The following PLCXD3 variants were observed in gnomAD, a reference collection of about 807,000 sequenced individuals.
The protein encoded by PLCXD3 is phosphatidylinositol specific phospholipase C X domain containing 3, also known as PI-PLC X domain-containing protein 3.
PLCXD3 carries 19 observed loss-of-function variants against 25.5 expected under a neutral mutation model. The ratio of observed to expected loss-of-function variants is 0.75; its 90% CI spans 0.52 to 1.09. PLCXD3 has a LOEUF of 1.09. Among genes scored for constraint, PLCXD3 ranks in the 50% least tolerant of loss-of-function variants. The probability of loss-of-function intolerance (pLI) is 0.00; values close to 1 mark genes in which losing one functional copy is unlikely to be tolerated. For synonymous variants in PLCXD3, 174 were observed against 137.6 expected (o/e 1.26, Z -1.85); for missense variants, 411 against 388.1 (o/e 1.06, Z -0.50).
At chr5:41,459,156 C>G (rs1394061787) in intron 1 of PLCXD3, among the ~76,000 whole-genome samples, 2 of 151,836 alleles carry the variant, frequency 1.3e-5, no homozygotes, top group African/African-American at 4.8e-5. Context: ...TTCTGAGTGT[C>G]TTCATCTACA....
chr5:41,491,878 C>A (rs1040382537), intron 1 of PLCXD3, among the ~76,000 whole-genome samples: 1 of 152,104 alleles, frequency 6.6e-6, no homozygotes, highest in African/African-American at 2.4e-5. Context: ...TGGGTCTTGA[C>A]TCTTTATCGC....
chr5:41,325,588 G>T (rs1003432089), intron 2 of PLCXD3, among the ~76,000 whole-genome samples: 1 of 152,078 alleles, frequency 6.6e-6, no homozygotes, highest in Non-Finnish European at 1.5e-5. Context: ...TTTTTGTTTG[G>T]TGTCTGAAGA....
chr5:41,461,287 A>G (rs889158067), intron 1 of PLCXD3, among the ~76,000 whole-genome samples: 2 of 152,026 alleles, frequency 1.3e-5, no homozygotes, highest in Non-Finnish European at 2.9e-5. Context: ...TACAGGAACA[A>G]TGTAAAGCAT....
intron 1 of PLCXD3, among the ~76,000 whole-genome samples, chr5:41,506,481 A>C (rs1421402602): frequency 2.0e-5 from 3 of 152,162 alleles, no homozygotes; most frequent in Non-Finnish European, 4.4e-5. Context: ...TCCACTAATA[A>C]ATGGGGTAGG....
intron 1 of PLCXD3, among the ~76,000 whole-genome samples, chr5:41,492,713 T>C (rs1748732507): frequency 6.6e-6 from 1 of 152,286 alleles, no homozygotes; most frequent in Admixed American, 6.5e-5. Context: ...TTTCTTCCAG[T>C]TGACCGCATC....
At chr5:41,438,284 G>C (rs753818309) in intron 1 of PLCXD3, among the ~76,000 whole-genome samples, 3 of 152,176 alleles carry the variant, frequency 2.0e-5, no homozygotes, top group Non-Finnish European at 4.4e-5. Flanking sequence ...ATGATGAAAA[G>C]GCAATAAGAA....
At chr5:41,502,224 A>G (rs1253646145) in intron 1 of PLCXD3, among the ~76,000 whole-genome samples, 3 of 152,170 alleles carry the variant, frequency 2.0e-5, no homozygotes, top group South Asian at 2.1e-4. Context: ...AAGGAAATCC[A>G]AAGTATAAGA....
At chr5:41,458,807 C>T (rs1344678811) in intron 1 of PLCXD3, among the ~76,000 whole-genome samples, 1 of 151,942 alleles carries the variant, frequency 6.6e-6, no homozygotes, top group African/African-American at 2.4e-5. Context: ...TCAGGTGCTA[C>T]ATACACATTT....
At chr5:41,408,906 A>G (rs1746434443) in intron 1 of PLCXD3, among the ~76,000 whole-genome samples, 1 of 152,348 alleles carries the variant, frequency 6.6e-6, no homozygotes, top group Middle Eastern at 3.4e-3. Context: ...GAAAGTGTCC[A>G]TAACAGAGAT....
intron 1 of PLCXD3, among the ~76,000 whole-genome samples, chr5:41,494,826 G>T (rs191614105): frequency 3.0e-3 from 454 of 152,256 alleles, no homozygotes; most frequent in Non-Finnish European, 3.9e-3. Flanking sequence ...AGGAGTCAAG[G>T]TCTGAGCCCA....
At chr5:41,502,857 A>G (rs1429976458) in intron 1 of PLCXD3, among the ~76,000 whole-genome samples, 1 of 152,182 alleles carries the variant, frequency 6.6e-6, no homozygotes, top group Non-Finnish European at 1.5e-5. Context: ...GGACCAAGAA[A>G]TTTGGCTTTA....
At chr5:41,428,289 T>C (rs965704134) in intron 1 of PLCXD3, among the ~76,000 whole-genome samples, 2 of 152,068 alleles carry the variant, frequency 1.3e-5, no homozygotes, top group African/African-American at 2.4e-5. Flanking sequence ...TACTGAATTG[T>C]ATTCCCCCTC....
At chr5:41,394,039 A>G in intron 1 of PLCXD3, among the ~76,000 whole-genome samples, 1 of 152,334 alleles carries the variant, frequency 6.6e-6, no homozygotes, top group East Asian at 1.9e-4. Context: ...ATCCTAAGTA[A>G]AAAAACTAAA....
intron 1 of PLCXD3, among the ~76,000 whole-genome samples, chr5:41,506,010 T>C (rs2111595396): frequency 6.6e-6 from 1 of 152,376 alleles, no homozygotes; most frequent in South Asian, 2.1e-4. Flanking sequence ...AAAGCAGTTT[T>C]CTCAAACTTT....
chr5:41,386,607 T>A (rs1561254952), intron 1 of PLCXD3, among the ~76,000 whole-genome samples: 2 of 152,076 alleles, frequency 1.3e-5, no homozygotes, highest in Non-Finnish European at 2.9e-5. Flanking sequence ...GGCTCTTAGT[T>A]AATTAAAGAG....
intron 2 of PLCXD3, among the ~76,000 whole-genome samples, chr5:41,359,247 G>A (rs1441420199): frequency 6.6e-6 from 1 of 152,156 alleles, no homozygotes; most frequent in African/African-American, 2.4e-5. Flanking sequence ...ATTTAGGGAG[G>A]ATTCCCTCTT....
At chr5:41,421,177 C>A (rs1362708520) in intron 1 of PLCXD3, among the ~76,000 whole-genome samples, 1 of 152,112 alleles carries the variant, frequency 6.6e-6, no homozygotes, top group Non-Finnish European at 1.5e-5. Context: ...ATCCAAACAT[C>A]AAAACAGAGT....
At chr5:41,446,158 C>G (rs1319087131) in intron 1 of PLCXD3, among the ~76,000 whole-genome samples, 1 of 114,360 alleles carries the variant, frequency 8.7e-6, no homozygotes, top group Non-Finnish European at 1.7e-5. Flanking sequence ...GTCTGGGCGA[C>G]GGAGCCAGAC....
chr5:41,333,183 C>T lies in PLCXD3; in HGVS notation c.813-19413G>A, dbSNP rs116657020. On this transcript the variant is annotated intron_variant, in intron 2 of 2. Coordinates refer to ENST00000377801, the MANE Select transcript of PLCXD3 (RefSeq NM_001005473.3). The stretch of plus-strand genomic sequence containing the variant: ...AATGGCTTGTGACTGCCCGTCCCAA[C>T]CCAGCCTAAGAAATGAAGGCTTCAT... Among the ~76,000 whole-genome samples, 435 of 152,062 alleles carry T rather than the reference C, an allele frequency of 2.9e-3. 2 individuals are homozygous for T. The highest frequency in any genetic ancestry group is 0.01 in the African/African-American group (424 of 41,518).
Sources: allele counts gnomAD v4.1 joint callset (sites outside exome capture counted in the v4.1 genomes callset), GRCh38; gene constraint gnomAD v4.1.1; transcripts MANE v1.5; gene names NCBI Gene and HGNC (gene_info 2026-07-23, HGNC 2026-07-21).